The following KCTD2 variants were observed in gnomAD, a reference collection of about 807,000 sequenced individuals.
KCTD2 encodes BTB/POZ domain-containing protein KCTD2.
In KCTD2, 18 loss-of-function variants were observed where a neutral mutation model predicts 27.9. That is an observed-to-expected ratio of 0.64 (90% confidence interval 0.45 to 0.96). The LOEUF (loss-of-function observed/expected upper bound fraction) is 0.96. KCTD2 is among the 40% of genes least tolerant of loss of function. KCTD2 has a pLI of 0.00. For missense variants in KCTD2, 280 were observed against 348.0 expected (o/e 0.80, Z 1.56); for synonymous variants, 175 against 148.4 (o/e 1.18, Z -1.30).
chr17:75,047,239 C>CGGT lies in KCTD2; in HGVS notation c.-10_-9insTGG. On this transcript the variant is annotated 5_prime_UTR_variant, in exon 1 of 6. Coordinates refer to ENST00000322444, the MANE Select transcript of KCTD2 (RefSeq NM_015353.3). ...TGCGCGCGGGCAGCAGCGGTGGCGG[C>CGGT]GGCGGTCCAAGATGGCGGAACTGCA... is the stretch of plus-strand genomic sequence containing the variant. 1 of 713,314 alleles carries CGGT rather than the reference C, an allele frequency of 1.4e-6. No individual in the cohort carries two copies. The highest frequency in any genetic ancestry group is 1.8e-6 in the Non-Finnish European group (1 of 569,308). The allele number at this position is 713,314 out of a possible 1,614,324, so 44.2% of individuals were successfully genotyped here. A position where few individuals can be genotyped will look rare whatever the true frequency, so the allele number is the denominator to read the frequency against.
At chr17:75,060,632 C>T (rs1040273815) in intron 4 of KCTD2, 14 of 1,575,722 alleles carry the variant, frequency 8.9e-6, no homozygotes, top group South Asian at 4.6e-5. Flanking sequence ...TGGCTGGGCG[C>T]GTGGCGAGTG....
In KCTD2 at chr17:75,062,964, C is replaced by T; in HGVS notation, c.763-54C>T. ...GGGTCCAGTGGAAAGCATCCCCCGA[C>T]ATCTCTGTCTTTCCCTCAGCAGCCT... On this transcript the variant is annotated intron_variant, in intron 5 of 5. Transcript: ENST00000322444. The T allele has an allele frequency of 4.4e-6, 7 of 1,592,194 alleles. No individual in the cohort carries two copies. The South Asian group carries it at 6.6e-5, about 15-fold the overall frequency.
intron 2 of KCTD2, among the ~76,000 whole-genome samples, 166 bp from the exon 3 acceptor site, chr17:75,052,848 C>T (rs568467517): frequency 3.3e-5 from 5 of 152,158 alleles, no homozygotes; most frequent in South Asian, 2.1e-4. Flanking sequence ...GAGCCAAGAT[C>T]GCACCACTGA....
In KCTD2 at chr17:75,063,453, C is replaced by G. The variant is rs2073424819; in HGVS notation, c.*406C>G. ...TCCCGTGCCGTGCCATGGTTTCACC[C>G]TATGTGTGCCACAATGGACGTTAGC... On this transcript the variant is annotated 3_prime_UTR_variant, in exon 6 of 6. Transcript: ENST00000322444. The G allele has an allele frequency of 4.5e-6, 1 of 223,980 alleles. No individual in the cohort carries two copies. The highest frequency in any genetic ancestry group is 9.0e-6 in the Non-Finnish European group (1 of 110,668). 13.9% of individuals were successfully genotyped at this position (223,980 alleles called of 1,614,324 possible).
chr17:75,053,170 T>C, intron 3 of KCTD2, 65 bp downstream of exon 3: 1 of 1,252,564 alleles, frequency 8.0e-7, no homozygotes, highest in Non-Finnish European at 1.2e-6. Context: ...GGTCTGTGAT[T>C]TGAAAAGGAT....
chr17:75,054,625 G>A (rs1192358303), intron 3 of KCTD2, among the ~76,000 whole-genome samples: 1 of 152,036 alleles, frequency 6.6e-6, no homozygotes, highest in African/African-American at 2.4e-5. Flanking sequence ...CTAACACGGT[G>A]AAACCCCGTC....
intron 3 of KCTD2, among the ~76,000 whole-genome samples, chr17:75,058,964 G>A (rs2073377151): frequency 6.6e-6 from 1 of 152,028 alleles, no homozygotes; most frequent in Non-Finnish European, 1.5e-5. Flanking sequence ...CGGGCGTGGT[G>A]GCGGGTGCCT....
In KCTD2 at chr17:75,047,470, G is replaced by A. The variant is rs1320846246; in HGVS notation, c.220G>A (p.Val74Ile). The change falls in exon 1 of 6, where the codon GTC becomes ATC. Residue 74 changes from valine to isoleucine, a missense_variant. Physicochemically the swap from Val to Ile is conservative, Grantham distance 29. Transcript: ENST00000322444. ...AGGGGGCGGCGGCGCGGCCCGCTGG[G>A]TCAGGCTGAACGTGGGAGGCACCTA... ...RAGGGGAARWVRLNVGGTYFV... is the reference protein window; with the variant it reads ...RAGGGGAARWIRLNVGGTYFV... 1 of 1,578,514 alleles carries A rather than the reference G, an allele frequency of 6.3e-7. No homozygotes were observed. Among genetic ancestry groups the A allele is most frequent in the African/African-American group, 1.4e-5 (1 of 71,872 alleles).
chr17:75,059,475 T>TG (rs1265973953), intron 3 of KCTD2, 35 bp from the exon 4 acceptor site: 1 of 1,493,488 alleles, frequency 6.7e-7, no homozygotes, highest in Admixed American at 1.8e-5. Context: ...GTGGTGTCCT[T>TG]GGTGCTGTTC....
chr17:75,060,534 G>T, intron 4 of KCTD2: 1 of 1,612,816 alleles, frequency 6.2e-7, no homozygotes, highest in Non-Finnish European at 8.5e-7. Flanking sequence ...TGCTCTTGAT[G>T]CCCTTTTCAC....
At chr17:75,056,952 C>CTTTTT (rs35875644) in intron 3 of KCTD2, among the ~76,000 whole-genome samples, 20 of 107,988 alleles carry the variant, frequency 1.9e-4, no homozygotes, top group African/African-American at 3.6e-4. Context: ...TTTCTTTTTT[C>CTTTTT]TTTTTTTTTT....
intron 2 of KCTD2, among the ~76,000 whole-genome samples, chr17:75,050,562 C>T (rs1336775706): frequency 2.0e-5 from 3 of 152,104 alleles, no homozygotes; most frequent in Non-Finnish European, 2.9e-5. Flanking sequence ...CGCGCCCGAC[C>T]TGAGATGTTT....
At chr17:75,044,001 C>T (rs1265059473), upstream of KCTD2, among the ~76,000 whole-genome samples, 1 of 151,034 alleles carries the variant, frequency 6.6e-6, no homozygotes, top group African/African-American at 2.4e-5. Context: ...TATACCCTAG[C>T]AGCACCAGCA....
chr17:75,052,477 T>C (rs984585943), intron 2 of KCTD2, among the ~76,000 whole-genome samples: 1 of 152,128 alleles, frequency 6.6e-6, no homozygotes, highest in African/African-American at 2.4e-5. Flanking sequence ...ATCCCAGAAC[T>C]TTGGGAGGCC....
chr17:75,034,296 A>G lies in KCTD2; in HGVS notation c.-385+179A>G, dbSNP rs537689005. Among the ~76,000 whole-genome samples, 262 of 152,228 alleles carry G rather than the reference A, an allele frequency of 1.7e-3. 3 individuals carry two copies. Among genetic ancestry groups the G allele is most frequent in the African/African-American group, 5.8e-3 (243 of 41,540 alleles). On this transcript the variant is annotated intron_variant, in intron 2 of 7. Coordinates refer to the KCTD2 transcript ENST00000581589. ...GAGGTAAATGACCACCGCGACTGCA[A>G]ACAGAGGGTCCTGCAAGAGAAGGCG...
intron 3 of KCTD2, among the ~76,000 whole-genome samples, chr17:75,038,183 C>T (rs2073122095): frequency 6.6e-6 from 1 of 151,960 alleles, no homozygotes; most frequent in Admixed American, 6.6e-5. Context: ...TGCAGTGGCA[C>T]GATCTTGGCT....
chr17:75,052,349 GC>G (rs758837010), intron 2 of KCTD2, among the ~76,000 whole-genome samples: 1 of 152,248 alleles, frequency 6.6e-6, no homozygotes, highest in Non-Finnish European at 1.5e-5. Context: ...CACTTGGAAG[GC>G]CAAGGTGGGC....
At chr17:75,046,771 G>A (rs560794148), upstream of KCTD2, among the ~76,000 whole-genome samples, 1 of 152,114 alleles carries the variant, frequency 6.6e-6, no homozygotes, top group South Asian at 2.1e-4. Flanking sequence ...GCGGGGCGAG[G>A]AGCGGCAGCT....
chr17:75,056,957 T>C (rs189499994), intron 3 of KCTD2, among the ~76,000 whole-genome samples: 84 of 141,902 alleles, frequency 5.9e-4, no homozygotes, highest in Non-Finnish European at 9.7e-4. Context: ...TTTTTCTTTT[T>C]TTTTTTTTTT....
Sources: allele counts gnomAD v4.1 joint callset (sites outside exome capture counted in the v4.1 genomes callset), GRCh38; gene constraint gnomAD v4.1.1; transcripts MANE v1.5; gene names NCBI Gene and HGNC (gene_info 2026-07-23, HGNC 2026-07-21).